FBXO5: variants seen among roughly 807,000 people sequenced by gnomAD.
FBXO5 encodes the protein F-box protein 5.
In FBXO5, 8 loss-of-function variants were observed where a neutral mutation model predicts 43.3. That is an observed-to-expected ratio of 0.18 (90% CI 0.11 to 0.33). FBXO5 has a LOEUF of 0.33. Among genes scored for constraint, FBXO5 ranks in the 10% least tolerant of loss-of-function variants. FBXO5 has a pLI of 1.00. For missense variants in FBXO5, 491 were observed against 535.7 expected (o/e 0.92, Z 0.82); for synonymous variants, 204 against 193.7 (o/e 1.05, Z -0.44).
rs950554422 is a variant in FBXO5 at position 152,970,547 on chromosome 6, A to C, written c.*616T>G. ...ATTAAGCTTACAATTTTATTGAGCA[A>C]AATTTATTTTTATATGTACATACAA... On this transcript the variant is annotated 3_prime_UTR_variant, in exon 5 of 5. Transcript: ENST00000229758. The C allele has an allele frequency of 2.0e-5, 3 of 152,256 alleles. No homozygotes were observed. Among genetic ancestry groups the C allele is most frequent in the Admixed American group, 6.5e-5 (1 of 15,280 alleles). The allele number at this position is 152,256 out of a possible 1,614,324, so 9.4% of individuals were successfully genotyped here.
At chr6:152,972,795 G>A in intron 3 of FBXO5, 1 of 499,702 alleles carries the variant, frequency 2.0e-6, no homozygotes, top group Admixed American at 3.4e-5. Context: ...TTGACTAAAT[G>A]GTCGACTCTA....
chr6:152,979,239 T>C (rs900021539), intron 1 of FBXO5, among the ~76,000 whole-genome samples: 1 of 152,202 alleles, frequency 6.6e-6, no homozygotes, highest in Non-Finnish European at 1.5e-5. Flanking sequence ...CCGGGTCTTA[T>C]CCAGGATACA....
intron 1 of FBXO5, among the ~76,000 whole-genome samples, chr6:152,978,382 GGGGGGGGGGGGC>G: frequency 1.8e-5 from 1 of 54,632 alleles, no homozygotes; most frequent in South Asian, 1.2e-3. Flanking sequence ...TTTTTTGGGG[GGGGGGGGGGGGC>G]GGGGGACTTC....
intron 1 of FBXO5, among the ~76,000 whole-genome samples, chr6:152,976,867 AG>A (rs1778176336): frequency 6.6e-6 from 1 of 152,172 alleles, no homozygotes; most frequent in Non-Finnish European, 1.5e-5. Flanking sequence ...CTTTGTTCTC[AG>A]GGACTGTCCT....
At chr6:152,982,017 A>T (rs2129094660) in intron 1 of FBXO5, among the ~76,000 whole-genome samples, 1 of 152,378 alleles carries the variant, frequency 6.6e-6, no homozygotes, top group Admixed American at 6.5e-5. Flanking sequence ...TTCGATTCTT[A>T]CAAAATCATC....
At position 152,982,945 on chromosome 6, in the gene FBXO5, G is replaced by A. The variant is rs1778288395; in HGVS notation, c.15C>T (p.Pro5=). The A allele has an allele frequency of 1.4e-6, 2 of 1,426,882 alleles. No individual in the cohort carries two copies. Among genetic ancestry groups the A allele is most frequent in the Non-Finnish European group, 9.1e-7 (1 of 1,100,016 alleles). The allele number at this position is 1,426,882 out of a possible 1,614,324, so 88.4% of individuals were successfully genotyped here. A position where few individuals can be genotyped will look rare whatever the true frequency, so the allele number is the denominator to read the frequency against. MSRR[P]CSCALRPPRC... is the part of the protein sequence containing the mutation. ...GGGGTGGCCGTAGGGCGCAGCTGCA[G>A]GGGCGCCGGCTCATGCCAGCCGACG... is the stretch of plus-strand genomic sequence containing the variant. The change falls in exon 1 of 5, where the codon CCC becomes CCT. Residue 5 remains proline (P), a synonymous_variant. Transcript: ENST00000229758.
At chr6:152,980,625 C>T (rs1778246011) in intron 1 of FBXO5, among the ~76,000 whole-genome samples, 1 of 151,990 alleles carries the variant, frequency 6.6e-6, no homozygotes, top group Non-Finnish European at 1.5e-5. Flanking sequence ...GTGTTTATGA[C>T]AGAAGTAGAG....
At chr6:152,977,897 A>G (rs1778197273) in intron 1 of FBXO5, among the ~76,000 whole-genome samples, 1 of 152,204 alleles carries the variant, frequency 6.6e-6, no homozygotes, top group African/African-American at 2.4e-5. Flanking sequence ...TTCTTTGAAT[A>G]TGGACAGTTC....
chr6:152,972,967 A>T (rs930130574), intron 3 of FBXO5, 79 bp downstream of exon 3: 3 of 1,148,590 alleles, frequency 2.6e-6, no homozygotes, highest in African/African-American at 3.1e-5. Flanking sequence ...GGGTTTCCAG[A>T]TTACCTCTTT....
intron 2 of FBXO5, chr6:152,973,979 A>T (rs2129093495): frequency 6.6e-6 from 1 of 152,292 alleles, no homozygotes; most frequent in Non-Finnish European, 1.5e-5. Flanking sequence ...AGCCAAAAAA[A>T]AAAAAACAAC....
At chr6:152,983,245 G>T (rs553681812), upstream of FBXO5, 1 of 330,838 alleles carries the variant, frequency 3.0e-6, no homozygotes, top group Non-Finnish European at 5.5e-6. Flanking sequence ...GGCTCCCCAC[G>T]TCCGGAAAGA....
Position 152,974,981 on chromosome 6 carries a change from G to T in FBXO5, c.744C>A (p.Ser248Arg). 1 of 1,613,504 alleles carries T rather than the reference G, an allele frequency of 6.2e-7. No homozygotes were observed. The highest frequency in any genetic ancestry group is 1.3e-5 in the African/African-American group (1 of 74,956). Residue 248 changes from serine (S) to arginine (R), a missense_variant, in exon 2 of 5, where the codon AGC (serine) becomes AGA (arginine). Coordinates refer to ENST00000229758, the MANE Select transcript of FBXO5 (RefSeq NM_012177.5). ...GTCTGAGTCCCCTTCGAAAGAGTTC[G>T]CTGAGAATATCTACACATTCTAGGC... ...KMGLECVDIL[S>R]ELFRRGLRHV...
chr6:152,977,609 T>C (rs1341809671), intron 1 of FBXO5, among the ~76,000 whole-genome samples: 1 of 152,168 alleles, frequency 6.6e-6, no homozygotes, highest in East Asian at 1.9e-4. Flanking sequence ...TTCTGAGTGG[T>C]TTAGTTTTAT....
chr6:152,976,235 G>A (rs908028198), intron 1 of FBXO5, among the ~76,000 whole-genome samples: 1 of 152,150 alleles, frequency 6.6e-6, no homozygotes, highest in African/African-American at 2.4e-5. Context: ...AACAATGATT[G>A]CAAGCCTTAA....
At chr6:152,980,016 G>A (rs1034636963) in intron 1 of FBXO5, among the ~76,000 whole-genome samples, 4 of 152,156 alleles carry the variant, frequency 2.6e-5, no homozygotes, top group Admixed American at 1.3e-4. Flanking sequence ...CAATACTGCA[G>A]AAGAAATAGA....
chr6:152,974,462 T>C (rs1466589928), intron 2 of FBXO5, among the ~76,000 whole-genome samples: 1 of 152,148 alleles, frequency 6.6e-6, no homozygotes, highest in Non-Finnish European at 1.5e-5. Flanking sequence ...CCAACAGAAA[T>C]AGTTTTGTAA....
chr6:152,970,896 C>A lies in FBXO5; in HGVS notation c.*267G>T. On this transcript the variant is annotated 3_prime_UTR_variant, in exon 5 of 5. Transcript: ENST00000229758. ...ATAAAATTGAATCAATTTTTTTTTA[C>A]CCTCAGTATCACTATCTACTTTTCC... 3.8e-6 allele frequency: 1 copy of A among 260,390 alleles called. No homozygotes were observed. The highest frequency in any genetic ancestry group is 7.2e-6 in the Non-Finnish European group (1 of 139,496). 16.1% of individuals were successfully genotyped at this position (260,390 alleles called of 1,614,324 possible).
At chr6:152,975,743 C>T (rs1778160620) in intron 1 of FBXO5, 122 bp from the exon 2 acceptor site, 1 of 618,156 alleles carries the variant, frequency 1.6e-6, no homozygotes, top group Non-Finnish European at 2.8e-6. Context: ...TCTACATGTA[C>T]TTGCTTACAT....
intron 2 of FBXO5, chr6:152,974,135 G>A (rs1019888239): frequency 3.3e-5 from 5 of 152,096 alleles, no homozygotes; most frequent in Non-Finnish European, 7.3e-5. Context: ...GAGCCTGGGA[G>A]GTGGAGGTTG....
Sources: allele counts gnomAD v4.1 joint callset (sites outside exome capture counted in the v4.1 genomes callset), GRCh38; gene constraint gnomAD v4.1.1; transcripts MANE v1.5; gene names NCBI Gene and HGNC (gene_info 2026-07-23, HGNC 2026-07-21).